The following PIEZO2 variants were observed in gnomAD, a reference collection of about 807,000 sequenced individuals.
PIEZO2 encodes the protein piezo-type mechanosensitive ion channel component 2.
Under a neutral mutation model 337.3 loss-of-function variants are expected in PIEZO2, and 172 were observed. That is an observed-to-expected ratio of 0.51 (90% CI 0.45 to 0.58). PIEZO2 has a LOEUF of 0.58. Ranked by LOEUF, PIEZO2 falls within the 20% of genes least tolerant of loss-of-function variation. The probability of loss-of-function intolerance (pLI) is 0.00; values close to 1 mark genes in which losing one functional copy is unlikely to be tolerated. For missense variants in PIEZO2, 3,028 were observed against 3,391.3 expected (o/e 0.89, Z 2.66); for synonymous variants, 1,251 against 1,228.5 (o/e 1.02, Z -0.38).
In PIEZO2 at chr18:11,128,151, G is replaced by A. The variant is rs894217925; in HGVS notation, c.64+20374C>T. 1.3e-5 allele frequency among the ~76,000 whole-genome samples: 2 copies of A among 152,086 alleles called. No individual in the cohort carries two copies. The highest frequency in any genetic ancestry group is 2.1e-4 in the South Asian group (1 of 4,826). The stretch of plus-strand genomic sequence containing the variant: ...AACCATATGTGGAGAACCAAGGAAC[G>A]TAATAAAGCTGGTTGGTTGCTCCTA... On this transcript the variant is annotated intron_variant, in intron 1 of 55. Transcript: ENST00000674853. This position sits in a 1 kb window ranked among gnomAD's most constrained non-coding sequence, Gnocchi z 4.1.
At chr18:11,066,944 T>C (rs1348889798) in intron 1 of PIEZO2, among the ~76,000 whole-genome samples, 1 of 152,162 alleles carries the variant, frequency 6.6e-6, no homozygotes, top group African/African-American at 2.4e-5. Flanking sequence ...TTGCTATCAG[T>C]TTAAAATACT....
At chr18:10,972,936 T>C (rs1289536171) in intron 3 of PIEZO2, among the ~76,000 whole-genome samples, 3 of 152,184 alleles carry the variant, frequency 2.0e-5, no homozygotes, top group Non-Finnish European at 4.4e-5. Context: ...TATGAGATGA[T>C]AGCTGTTATC....
chr18:11,021,861 G>A lies in PIEZO2; in HGVS notation c.161-42201C>T, dbSNP rs576118932. 7.3e-4 allele frequency among the ~76,000 whole-genome samples: 111 copies of A among 152,318 alleles called. No homozygotes were observed. The highest frequency in any genetic ancestry group is 2.6e-3 in the African/African-American group (108 of 41,572). On this transcript the variant is annotated intron_variant, in intron 2 of 55. Coordinates refer to ENST00000674853, the MANE Select transcript of PIEZO2 (RefSeq NM_001378183.1). The surrounding 1 kb of genome is among the most constrained non-coding windows in gnomAD (Gnocchi z 4.7). ...TCCATTCTTCTCCATCTTGATGGCA[G>A]AGTCCAGATGCTGCCTTTTCTCAAT... is the stretch of plus-strand genomic sequence containing the variant.
chr18:10,714,846 T>C lies in PIEZO2; in HGVS notation c.5341A>G (p.Ile1781Val), dbSNP rs1280428917. 2 of 1,537,272 alleles carry C rather than the reference T, an allele frequency of 1.3e-6. No homozygotes were observed. ...GAAGCAGCTCCGGGATGCTCGTCAA[T>C]GGTGTCCAGTCCCGACTCTCTGGAA... ...NLSRESGLDT[I>V]DEHPGAASGA... Residue 1781 changes from isoleucine to valine, a missense_variant, in exon 39 of 56, where the codon ATT becomes GTT. By Grantham distance (29) the Ile-to-Val change is conservative (BLOSUM62 3). This residue lies in a region of PIEZO2 where 1,925 missense variants were observed against 2,051.9 expected (regional missense o/e 0.94). Coordinates refer to ENST00000674853, the MANE Select transcript of PIEZO2 (RefSeq NM_001378183.1).
rs1208603218 is a variant in PIEZO2 at position 11,047,410 on chromosome 18, A to T, written c.160+18717T>A. Among the ~76,000 whole-genome samples the T allele has an allele frequency of 1.3e-5, 2 of 152,170 alleles. No homozygotes were observed. The highest frequency in any genetic ancestry group is 2.9e-5 in the Non-Finnish European group (2 of 68,034). On this transcript the variant is annotated intron_variant, in intron 2 of 55. Transcript: ENST00000674853. The surrounding 1 kb of genome is among the most constrained non-coding windows in gnomAD (Gnocchi z 7.2). Reference sequence around the variant, plus strand: ...TGCAGCAAAGGCTCCTGCCTATCCCACAAGACGGCCCGGGGGAATTGTCCA... The same window carrying T: ...TGCAGCAAAGGCTCCTGCCTATCCCTCAAGACGGCCCGGGGGAATTGTCCA...
intron 7 of PIEZO2, among the ~76,000 whole-genome samples, chr18:10,829,879 C>T (rs1225619763): frequency 6.6e-6 from 1 of 151,396 alleles, no homozygotes; most frequent in Non-Finnish European, 1.5e-5. Flanking sequence ...AAGCAATCTA[C>T]AGATTCAGTG....
chr18:10,767,044 TG>T lies in PIEZO2; in HGVS notation c.2946+3103del, dbSNP rs1196475959. ...CCTCCCCTTCCCTTCCTTCTCCAAT[TG>T]GCCAGGCCCCCCAGGGAGGAGCTGA... On this transcript the variant is annotated intron_variant, in intron 21 of 55. Coordinates refer to ENST00000674853, the MANE Select transcript of PIEZO2 (RefSeq NM_001378183.1). This position sits in a 1 kb window ranked among gnomAD's most constrained non-coding sequence, Gnocchi z 4.2. 2.2e-5 allele frequency among the ~76,000 whole-genome samples: 3 copies of T among 136,546 alleles called. No homozygotes were observed. The highest frequency in any genetic ancestry group is 8.1e-5 in the African/African-American group (3 of 37,210). 89.6% of individuals were successfully genotyped at this position (136,546 alleles called of 152,430 possible).
chr18:11,132,001 C>T lies in PIEZO2; in HGVS notation c.64+16524G>A, dbSNP rs2040353868. Among the ~76,000 whole-genome samples the T allele has an allele frequency of 6.6e-6, 1 of 152,186 alleles. No homozygotes were observed. Among genetic ancestry groups the T allele is most frequent in the African/African-American group, 2.4e-5 (1 of 41,442 alleles). On this transcript the variant is annotated intron_variant, in intron 1 of 55. Coordinates refer to ENST00000674853, the MANE Select transcript of PIEZO2 (RefSeq NM_001378183.1). This position sits in a 1 kb window ranked among gnomAD's most constrained non-coding sequence, Gnocchi z 4.7. ...AAGGCTGACCTGGCTGCAGCCGCTG[C>T]TGAGTACCCAATTTGCCAACAGCAG...
In PIEZO2 at chr18:10,716,295, A is replaced by T. The variant is rs538441663; in HGVS notation, c.5090-479T>A. 3.9e-4 allele frequency among the ~76,000 whole-genome samples: 59 copies of T among 152,248 alleles called. No homozygotes were observed. The highest frequency in any genetic ancestry group is 1.3e-3 in the African/African-American group (55 of 41,536). On this transcript the variant is annotated intron_variant, in intron 37 of 55. Coordinates refer to ENST00000674853, the MANE Select transcript of PIEZO2 (RefSeq NM_001378183.1). This position sits in a 1 kb window ranked among gnomAD's most constrained non-coding sequence, Gnocchi z 4.1. ...CCCACTCAAGGGAAGGACGATGAGG[A>T]TGAGAGCTTTATGATGGTCCACTTC... is the stretch of plus-strand genomic sequence containing the variant.
chr18:10,771,473 C>A (rs2038602230), intron 20 of PIEZO2, among the ~76,000 whole-genome samples: 1 of 152,178 alleles, frequency 6.6e-6, no homozygotes, highest in African/African-American at 2.4e-5. Context: ...GTAATATCAG[C>A]CTGTCTTGTT....
In PIEZO2 at chr18:11,083,768, T is replaced by A. The variant is rs998596431; in HGVS notation, c.65-17546A>T. ...GGCTCTCCGAGGCTAGAGGCACAAC[T>A]AAGGTTCAAGGAACAGGAAAGCTTC... On this transcript the variant is annotated intron_variant, in intron 1 of 55. Coordinates refer to ENST00000674853, the MANE Select transcript of PIEZO2 (RefSeq NM_001378183.1). The surrounding 1 kb of genome is among the most constrained non-coding windows in gnomAD (Gnocchi z 4.4). Among the ~76,000 whole-genome samples, 2 of 152,224 alleles carry A rather than the reference T, an allele frequency of 1.3e-5. No individual in the cohort carries two copies. The highest frequency in any genetic ancestry group is 2.4e-5 in the African/African-American group (1 of 41,452).
At position 10,870,676 on chromosome 18, in the gene PIEZO2, G is replaced by C. The variant is rs142368690; in HGVS notation, c.492+577C>G. ...AGTTGCTCCTGAAACCTTTCAACCA[G>C]CTAGCAAACATACATCTCGTTCATT... On this transcript the variant is annotated intron_variant, in intron 5 of 55. Coordinates refer to ENST00000674853, the MANE Select transcript of PIEZO2 (RefSeq NM_001378183.1). The surrounding 1 kb of genome is among the most constrained non-coding windows in gnomAD (Gnocchi z 5.3). 3.3e-5 allele frequency among the ~76,000 whole-genome samples: 5 copies of C among 152,240 alleles called. No homozygotes were observed. Among genetic ancestry groups the C allele is most frequent in the Admixed American group, 3.3e-4 (5 of 15,286 alleles).
chr18:10,763,264 G>GACCATAACTCACCTACT, intron 21 of PIEZO2, 166 bp from the exon 22 acceptor site: 1 of 674,000 alleles, frequency 1.5e-6, no homozygotes, highest in Non-Finnish European at 2.5e-6. Flanking sequence ...AAGTAGGTGA[G>GACCATAACTCACCTACT]TTATGGTCTC....
Position 10,980,290 on chromosome 18 carries a change from GT to G in PIEZO2, c.161-631del, listed in dbSNP as rs1351040965. ...CACACACTAGTGGGTTGCTATCATG[GT>G]TTTCTCAATTGGCACCAAAGAAATG... On this transcript the variant is annotated intron_variant, in intron 2 of 55. Coordinates refer to ENST00000674853, the MANE Select transcript of PIEZO2 (RefSeq NM_001378183.1). The surrounding 1 kb of genome is among the most constrained non-coding windows in gnomAD (Gnocchi z 4.8). Among the ~76,000 whole-genome samples, 1 of 152,004 alleles carries G rather than the reference GT, an allele frequency of 6.6e-6. No homozygotes were observed. Among genetic ancestry groups the G allele is most frequent in the African/African-American group, 2.4e-5 (1 of 41,386 alleles).
rs918877202 is a variant in PIEZO2 at position 10,760,982 on chromosome 18, G to A, written c.3379C>T (p.His1127Tyr). Residue 1127 changes from histidine (H) to tyrosine (Y), a missense_variant, in exon 24 of 56, where the codon CAT becomes TAT. This residue lies in a region of PIEZO2 where 1,925 missense variants were observed against 2,051.9 expected (regional missense o/e 0.94). Transcript: ENST00000674853. ...RTIFHDITRL[H>Y]LDDGLINCAK... Reference sequence around the variant, plus strand: ...CAATTAATAAGTCCATCATCTAGATGTAGTCTTGTAATGTCATGAAAGATA... The same window carrying A: ...CAATTAATAAGTCCATCATCTAGATATAGTCTTGTAATGTCATGAAAGATA... 78 of 1,534,150 alleles carry A rather than the reference G, an allele frequency of 5.1e-5. No homozygotes were observed. Among genetic ancestry groups the A allele is most frequent in the Non-Finnish European group, 6.6e-5 (76 of 1,144,180 alleles).
chr18:10,966,778 C>T (rs2034018351), intron 3 of PIEZO2, among the ~76,000 whole-genome samples: 1 of 152,018 alleles, frequency 6.6e-6, no homozygotes. Context: ...CACCTCCTGC[C>T]CTTTCCCCCG....
At chr18:10,807,884 G>C (rs1224289094) in intron 7 of PIEZO2, among the ~76,000 whole-genome samples, 1 of 152,100 alleles carries the variant, frequency 6.6e-6, no homozygotes, top group African/African-American at 2.4e-5. Context: ...ATATGACTTT[G>C]AGTCTGTTAC....
chr18:10,927,288 C>T (rs1319035685), intron 3 of PIEZO2, among the ~76,000 whole-genome samples: 1 of 152,134 alleles, frequency 6.6e-6, no homozygotes, highest in Non-Finnish European at 1.5e-5. Flanking sequence ...GTTCTTGGCT[C>T]AGCAAAGCCT....
At chr18:10,803,749 T>A in intron 9 of PIEZO2, 126 bp downstream of exon 9, 1 of 1,219,904 alleles carries the variant, frequency 8.2e-7, no homozygotes, top group Non-Finnish European at 1.1e-6. Flanking sequence ...CCTAAATCAC[T>A]GTTTCTATAA....
Sources: allele counts gnomAD v4.1 joint callset (sites outside exome capture counted in the v4.1 genomes callset), GRCh38; gene constraint gnomAD v4.1.1; regional missense constraint gnomAD v4.1.1; non-coding constraint Gnocchi (gnomAD v3.1); transcripts MANE v1.5; gene names NCBI Gene and HGNC (gene_info 2026-07-23, HGNC 2026-07-21).